AKAP13: variants seen among roughly 807,000 people sequenced by gnomAD.
AKAP13 encodes A-kinase anchoring protein 13, also known as A-kinase anchor protein 13.
Under a neutral mutation model 264.5 loss-of-function variants are expected in AKAP13, and 80 were observed. The observed-to-expected ratio is 0.30, with a 90% confidence interval of 0.25 to 0.36. The LOEUF (loss-of-function observed/expected upper bound fraction) is 0.36. Among genes scored for constraint, AKAP13 ranks in the 10% least tolerant of loss-of-function variants. AKAP13 has a pLI of 1.00. For synonymous variants in AKAP13, 1,380 were observed against 1,250.2 expected, an observed-to-expected ratio of 1.10 and a Z score of -2.19; for missense variants, 3,712 against 3,435.2, an observed-to-expected ratio of 1.08 and a Z score of -2.01.
chr15:85,703,290 A>G (rs1033997447), intron 17 of AKAP13, among the ~76,000 whole-genome samples: 13 of 152,262 alleles, frequency 8.5e-5, no homozygotes, highest in Admixed American at 6.5e-5. Context: ...GGAAGGTAAA[A>G]AAAGACCCTA....
At chr15:85,734,002 G>A (rs1233814394) in intron 30 of AKAP13, among the ~76,000 whole-genome samples, 8 of 149,700 alleles carry the variant, frequency 5.3e-5, no homozygotes, top group African/African-American at 9.8e-5. Flanking sequence ...CACCATGCCC[G>A]GCTAATTTTT....
intron 5 of AKAP13, among the ~76,000 whole-genome samples, chr15:85,559,915 G>C (rs535827142): frequency 2.0e-5 from 3 of 151,964 alleles, no homozygotes; most frequent in Non-Finnish European, 4.4e-5. Context: ...TAAGTCATCT[G>C]GGGGGTGAGA....
intron 8 of AKAP13, among the ~76,000 whole-genome samples, chr15:85,636,079 A>G (rs1187969709): frequency 2.6e-5 from 4 of 152,096 alleles, no homozygotes; most frequent in East Asian, 3.9e-4. Flanking sequence ...GTCTGCATTA[A>G]TTTTTCTCAA....
chr15:85,584,596 A>G (rs2079262136), intron 7 of AKAP13, among the ~76,000 whole-genome samples: 2 of 152,304 alleles, frequency 1.3e-5, no homozygotes, highest in South Asian at 2.1e-4. Context: ...AAACTTGTTT[A>G]CCCATTTTTA....
At position 85,748,543 on chromosome 15, in the gene AKAP13, T is replaced by C. The variant is rs535963539; in HGVS notation, c.*3866T>C. On this transcript the variant is annotated 3_prime_UTR_variant, in exon 37 of 37. Coordinates refer to ENST00000394518, the MANE Select transcript of AKAP13 (RefSeq NM_007200.5). ...GGAGTTTGGGCTTGGTTTTGAACTT[T>C]CCTTTCAATGTAGCAAAGCATTCCT... is the stretch of plus-strand genomic sequence containing the variant. 2.0e-5 allele frequency: 3 copies of C among 151,142 alleles called. No homozygotes were observed. Among genetic ancestry groups the C allele is most frequent in the Non-Finnish European group, 1.5e-5 (1 of 68,044 alleles). 9.4% of individuals were successfully genotyped at this position (151,142 alleles called of 1,614,324 possible).
intron 35 of AKAP13, 48 bp from the exon 36 acceptor site, chr15:85,743,444 G>A (rs1549038): frequency 0.1 from 163,372 of 1,574,918 alleles, 11,599 homozygotes; most frequent in East Asian, 0.34. Context: ...TTGGCATCAC[G>A]GACGCTGACA....
rs10715702 is a variant in AKAP13 at position 85,698,943 on chromosome 15, C to CAA, written c.5464+5518_5464+5519dup. On this transcript the variant is annotated intron_variant, in intron 17 of 36. Transcript: ENST00000394518. ...TGGGAAACAGAGCGAGACCTTGTCT[C>CAA]AAAAAAAAAAAAAAAAAAAAAAAAA... 6.9e-3 allele frequency among the ~76,000 whole-genome samples: 499 copies of CAA among 72,794 alleles called. 4 individuals are homozygous for CAA. The highest frequency in any genetic ancestry group is 0.011 in the Admixed American group (61 of 5,716). 47.8% of individuals were successfully genotyped at this position (72,794 alleles called of 152,430 possible). A position where few individuals can be genotyped will look rare whatever the true frequency, so the allele number is the denominator to read the frequency against.
At chr15:85,675,749 A>T (rs1384538674) in intron 14 of AKAP13, among the ~76,000 whole-genome samples, 2 of 152,204 alleles carry the variant, frequency 1.3e-5, no homozygotes, top group East Asian at 3.8e-4. Flanking sequence ...GGAAACTGGG[A>T]ATTAGCTGGG....
intron 8 of AKAP13, among the ~76,000 whole-genome samples, chr15:85,612,840 A>AG (rs1240502664): frequency 1.3e-5 from 2 of 151,988 alleles, no homozygotes; most frequent in African/African-American, 4.8e-5. Context: ...AAAAAAGAAA[A>AG]AAAGAAAGAA....
chr15:85,741,721 CA>C (rs1567225940), intron 35 of AKAP13, among the ~76,000 whole-genome samples: 37 of 77,896 alleles, frequency 4.7e-4, no homozygotes, highest in African/African-American at 2.0e-3. Context: ...AAAAAACAAA[CA>C]AACAAACAAA....
chr15:85,404,326 C>T (rs2071567966), intron 1 of AKAP13, among the ~76,000 whole-genome samples: 1 of 152,240 alleles, frequency 6.6e-6, no homozygotes, highest in Admixed American at 6.5e-5. Flanking sequence ...AGTAGTTCCT[C>T]ATTGCCCACC....
intron 14 of AKAP13, among the ~76,000 whole-genome samples, chr15:85,678,356 T>G (rs1309624437): frequency 6.6e-6 from 1 of 152,198 alleles, no homozygotes; most frequent in African/African-American, 2.4e-5. Context: ...CACACTATTC[T>G]TAAAGGGAAG....
chr15:85,477,648 A>G (rs1005773028), intron 1 of AKAP13, among the ~76,000 whole-genome samples: 7 of 151,728 alleles, frequency 4.6e-5, no homozygotes, highest in Non-Finnish European at 2.9e-5. Context: ...AAAAAAAAAA[A>G]AAAAAAAAAA....
At chr15:85,560,715 A>C (rs1157495991) in intron 5 of AKAP13, among the ~76,000 whole-genome samples, 4 of 152,116 alleles carry the variant, frequency 2.6e-5, no homozygotes, top group Admixed American at 2.6e-4. Flanking sequence ...TGATTTTTAA[A>C]AAAATTAAAA....
intron 12 of AKAP13, among the ~76,000 whole-genome samples, chr15:85,661,275 C>A (rs1458812771): frequency 6.6e-6 from 1 of 152,048 alleles, no homozygotes; most frequent in Non-Finnish European, 1.5e-5. Flanking sequence ...ATTTTCTGTC[C>A]TTGCTACTTG....
intron 8 of AKAP13, among the ~76,000 whole-genome samples, chr15:85,633,108 C>T (rs540047498): frequency 3.3e-5 from 5 of 152,224 alleles, no homozygotes; most frequent in East Asian, 3.9e-4. Flanking sequence ...CCTTGTGATC[C>T]GCCTGCCTCG....
chr15:85,522,979 A>C (rs1043436055), intron 3 of AKAP13, among the ~76,000 whole-genome samples: 4 of 126,008 alleles, frequency 3.2e-5, no homozygotes, highest in Non-Finnish European at 6.4e-5. Flanking sequence ...TCTGCTTCCC[A>C]CCTGAATTTA....
intron 1 of AKAP13, among the ~76,000 whole-genome samples, chr15:85,390,812 C>T (rs2070820107): frequency 6.6e-6 from 1 of 152,108 alleles, no homozygotes; most frequent in East Asian, 1.9e-4. Context: ...AAGGAGGATT[C>T]CTAGGTGTTT....
At chr15:85,605,748 C>T (rs914025599) in intron 8 of AKAP13, among the ~76,000 whole-genome samples, 2 of 151,976 alleles carry the variant, frequency 1.3e-5, no homozygotes, top group African/African-American at 4.8e-5. Flanking sequence ...TTTATGGAAC[C>T]CACCCAAACT....
Sources: allele counts gnomAD v4.1 joint callset (sites outside exome capture counted in the v4.1 genomes callset), GRCh38; gene constraint gnomAD v4.1.1; transcripts MANE v1.5; gene names NCBI Gene and HGNC (gene_info 2026-07-23, HGNC 2026-07-21).